TAB2: variants seen among roughly 807,000 people sequenced by gnomAD.
The protein encoded by TAB2 is TGF-beta activated kinase 1 (MAP3K7) binding protein 2, also known as TGF-beta-activated kinase 1 and MAP3K7-binding protein 2.
TAB2 carries 3 observed loss-of-function variants against 65.0 expected under a neutral mutation model. The ratio of observed to expected loss-of-function variants is 0.05; its 90% confidence interval spans 0.02 to 0.12. TAB2 has a LOEUF of 0.12. TAB2 is among the 10% of genes least tolerant of loss of function. The pLI is 1.00. For synonymous variants in TAB2, 298 were observed against 285.1 expected (o/e 1.05, Z -0.46); for missense variants, 623 against 840.3 (o/e 0.74, Z 3.20).
At chr6:149,403,339 TACACACACAC>T (rs71010866) in intron 6 of TAB2, among the ~76,000 whole-genome samples, 17,561 of 105,420 alleles carry the variant, frequency 0.17, 1,748 homozygotes, top group East Asian at 0.31. Flanking sequence ...TACATATATA[TACACACACAC>T]ACACACACAC....
At chr6:149,360,030 C>T (rs1263485481) in intron 1 of TAB2, among the ~76,000 whole-genome samples, 2 of 152,042 alleles carry the variant, frequency 1.3e-5, no homozygotes, top group Non-Finnish European at 2.9e-5. Flanking sequence ...AAGTGAGATA[C>T]CAGTAATAAA....
chr6:149,272,144 A>T (rs1778375836), intron 1 of TAB2, among the ~76,000 whole-genome samples: 1 of 152,214 alleles, frequency 6.6e-6, no homozygotes, highest in African/African-American at 2.4e-5. Context: ...CTTCTCAAAG[A>T]TAAATGAACA....
At chr6:149,384,200 C>T (rs1170217791) in intron 3 of TAB2, among the ~76,000 whole-genome samples, 1 of 152,010 alleles carries the variant, frequency 6.6e-6, no homozygotes, top group Non-Finnish European at 1.5e-5. Context: ...AATACTTTTT[C>T]CAAATTGAGA....
intron 1 of TAB2, among the ~76,000 whole-genome samples, chr6:149,369,306 A>T (rs1781142180): frequency 1.3e-5 from 2 of 152,258 alleles, no homozygotes; most frequent in South Asian, 4.1e-4. Flanking sequence ...CAGGCTGCTC[A>T]CTCCTCAGCC....
chr6:149,388,272 AG>A (rs778721367), intron 3 of TAB2, among the ~76,000 whole-genome samples: 5 of 152,204 alleles, frequency 3.3e-5, no homozygotes, highest in Non-Finnish European at 7.3e-5. Context: ...GTGGGTGAGC[AG>A]TGGCTCCTTA....
At chr6:149,328,164 T>G (rs1184751784) in intron 1 of TAB2, among the ~76,000 whole-genome samples, 1 of 152,206 alleles carries the variant, frequency 6.6e-6, no homozygotes, top group East Asian at 1.9e-4. Flanking sequence ...TTATAGAATA[T>G]CACATGATCG....
intron 3 of TAB2, among the ~76,000 whole-genome samples, chr6:149,382,401 G>A (rs1383605470): frequency 2.0e-5 from 3 of 151,652 alleles, no homozygotes; most frequent in Non-Finnish European, 2.9e-5. Flanking sequence ...TTCAAGACCA[G>A]CCTGGCCAAC....
chr6:149,230,997 G>A (rs749517571), intron 1 of TAB2, among the ~76,000 whole-genome samples: 2 of 152,192 alleles, frequency 1.3e-5, no homozygotes, highest in South Asian at 4.1e-4. Flanking sequence ...AATTGGACAA[G>A]CTCACTTACT....
intron 1 of TAB2, among the ~76,000 whole-genome samples, chr6:149,342,383 C>G (rs1421028440): frequency 6.6e-6 from 1 of 152,126 alleles, no homozygotes; most frequent in African/African-American, 2.4e-5. Flanking sequence ...TAGAGTTACT[C>G]TGTGGTCTCC....
chr6:149,360,597 A>C (rs973199386), intron 1 of TAB2, among the ~76,000 whole-genome samples: 2 of 152,204 alleles, frequency 1.3e-5, no homozygotes, highest in Admixed American at 6.5e-5. Context: ...TGAGATTTAG[A>C]GAAGACAGCA....
intron 1 of TAB2, among the ~76,000 whole-genome samples, chr6:149,258,334 T>C (rs1778083308): frequency 6.6e-6 from 1 of 152,030 alleles, no homozygotes; most frequent in Admixed American, 6.6e-5. Context: ...TTCAGTGATG[T>C]CACTGAACAT....
intron 1 of TAB2, chr6:149,245,305 G>A (rs1167226237): frequency 6.6e-6 from 1 of 152,204 alleles, no homozygotes; most frequent in Non-Finnish European, 1.5e-5. Context: ...GGCACATGTA[G>A]TGGTGACCAG....
intron 1 of TAB2, among the ~76,000 whole-genome samples, chr6:149,257,115 G>A (rs1284514264): frequency 6.6e-6 from 1 of 152,194 alleles, no homozygotes; most frequent in African/African-American, 2.4e-5. Flanking sequence ...AACAAGCTGG[G>A]TTGCGCTTAG....
At chr6:149,324,826 CTT>C (rs35922173) in intron 1 of TAB2, among the ~76,000 whole-genome samples, 45 of 132,738 alleles carry the variant, frequency 3.4e-4, no homozygotes, top group Admixed American at 2.3e-4. Context: ...GAAAATATTA[CTT>C]TTTTTTTTTT....
Position 149,270,819 on chromosome 6 carries a change from T to C in TAB2, c.-121+52043T>C, listed in dbSNP as rs61414913. 8.3e-3 allele frequency among the ~76,000 whole-genome samples: 1,270 copies of C among 152,282 alleles called. 19 individuals carry two copies. The highest frequency in any genetic ancestry group is 0.029 in the African/African-American group (1,218 of 41,546). On this transcript the variant is annotated intron_variant, in intron 1 of 1. Transcript: ENST00000606202. ...GCTTTGTCTTTCAGTTTCTTCTCTTTTTTGGATCTAGAGGAAGTGTATCAC... is the reference window on the plus strand; with the variant it reads ...GCTTTGTCTTTCAGTTTCTTCTCTTCTTTGGATCTAGAGGAAGTGTATCAC...
rs558439892 is a variant in TAB2 at position 149,358,915 on chromosome 6, T to C, written c.-89-10994T>C. On this transcript the variant is annotated intron_variant, in intron 1 of 6. Transcript: ENST00000637181. ...CTCTGTAGTCTCAAGTACCTTCTGC[T>C]GTTTAACCTATTCATTGATTGTTAC... Among the ~76,000 whole-genome samples, 4 of 152,314 alleles carry C rather than the reference T, an allele frequency of 2.6e-5. No homozygotes were observed. In the South Asian group the frequency reaches 8.3e-4, roughly 32 times the overall value.
chr6:149,253,946 A>AAGAAAG (rs1562389151), intron 1 of TAB2, among the ~76,000 whole-genome samples: 5 of 105,422 alleles, frequency 4.7e-5, no homozygotes, highest in Admixed American at 1.2e-4. Flanking sequence ...AAGAAAGAGA[A>AAGAAAG]AGAAAGAAAG....
At chr6:149,241,080 G>T (rs557907636) in intron 1 of TAB2, among the ~76,000 whole-genome samples, 3 of 152,182 alleles carry the variant, frequency 2.0e-5, no homozygotes, top group African/African-American at 7.2e-5. Flanking sequence ...AAGAGGTTGT[G>T]TAAGGACACA....
At chr6:149,353,954 T>TGG (rs1780572436) in intron 1 of TAB2, among the ~76,000 whole-genome samples, 1 of 152,222 alleles carries the variant, frequency 6.6e-6, no homozygotes, top group Non-Finnish European at 1.5e-5. Flanking sequence ...ACTAAAACTT[T>TGG]GGAGTCCAAG....
Sources: allele counts gnomAD v4.1 joint callset (sites outside exome capture counted in the v4.1 genomes callset), GRCh38; gene constraint gnomAD v4.1.1; transcripts MANE v1.5; gene names NCBI Gene and HGNC (gene_info 2026-07-23, HGNC 2026-07-21).